The following BRCA1 variants were observed in gnomAD, a reference collection of about 807,000 sequenced individuals.
BRCA1 encodes BRCA1 DNA repair associated, also known as breast cancer type 1 susceptibility protein.
A neutral mutation model predicts 173.7 loss-of-function variants in BRCA1; 140 were observed. The ratio of observed to expected loss-of-function variants is 0.81; its 90% CI spans 0.70 to 0.93. BRCA1 has a LOEUF of 0.93. BRCA1 is among the 40% of genes least tolerant of loss of function. The probability of loss-of-function intolerance (pLI) is 0.00; values close to 1 mark genes in which losing one functional copy is unlikely to be tolerated. For missense variants in BRCA1, 1,983 were observed against 2,172.5 expected (o/e 0.91, Z 1.73); for synonymous variants, 662 against 756.0 (o/e 0.88, Z 2.04).
At chr17:43,073,520 TGAG>T (rs2052547465) in intron 14 of BRCA1, among the ~76,000 whole-genome samples, 1 of 152,136 alleles carries the variant, frequency 6.6e-6, no homozygotes, top group African/African-American at 2.4e-5. Flanking sequence ...AACGTGTTTT[TGAG>T]GATTAAAAAC....
Position 43,044,551 on chromosome 17 carries a change from C to T in BRCA1, c.*1127G>A, listed in dbSNP as rs1265300106. 2.0e-6 allele frequency: 1 copy of T among 506,026 alleles called. No individual in the cohort carries two copies. Among genetic ancestry groups the T allele is most frequent in the Admixed American group, 2.3e-5 (1 of 44,030 alleles). 31.3% of individuals were successfully genotyped at this position (506,026 alleles called of 1,614,324 possible). A position where few individuals can be genotyped will look rare whatever the true frequency, so the allele number is the denominator to read the frequency against. On this transcript the variant is annotated 3_prime_UTR_variant, in exon 23 of 23. Transcript: ENST00000357654. Reference sequence around the variant, plus strand: ...AGGAAAAAAATCACCTCAAAGAAAGCAACAGCTTCCTTCCTGGTGGGATCT... The same window carrying T: ...AGGAAAAAAATCACCTCAAAGAAAGTAACAGCTTCCTTCCTGGTGGGATCT...
At chr17:43,055,369 C>T (rs780261463) in intron 19 of BRCA1, among the ~76,000 whole-genome samples, 7 of 152,114 alleles carry the variant, frequency 4.6e-5, no homozygotes, top group Admixed American at 2.0e-4. Context: ...AATTGGAGGC[C>T]GGGTGCAGTG....
chr17:43,093,434 C>G lies in BRCA1; in HGVS notation c.2097G>C (p.Glu699Asp). The G allele has an allele frequency of 6.2e-7, 1 of 1,614,010 alleles. No individual in the cohort carries two copies. The highest frequency in any genetic ancestry group is 1.3e-5 in the African/African-American group (1 of 75,036). The change falls in exon 10 of 23, where the codon GAG becomes GAC. Residue 699 changes from glutamate to aspartate, a missense_variant. Glu to Asp is a conservative substitution (Grantham distance 45, BLOSUM62 2). Transcript: ENST00000357654. Reference sequence around the variant, plus strand: ...AACCAGGTGCATTTGTTAACTTCAGCTCTGGGAAAGTATCGCTGTCATGTC... The same window carrying G: ...AACCAGGTGCATTTGTTAACTTCAGGTCTGGGAAAGTATCGCTGTCATGTC... ...SKRHDSDTFP[E>D]LKLTNAPGSF...
intron 3 of BRCA1, among the ~76,000 whole-genome samples, chr17:43,107,022 T>A (rs1367133066): frequency 6.6e-6 from 1 of 151,904 alleles, no homozygotes; most frequent in Non-Finnish European, 1.5e-5. Context: ...TACATACATC[T>A]GTGATCAAGC....
rs80358164 is a variant in BRCA1 at position 43,097,301 on chromosome 17, C to T, written c.548-12G>A. ...AGAAGAATCAGATCCTAAAAAATTT[C>T]CCCCCAAAAAATAAATCAATAAAAG... On this transcript the variant is annotated splice_polypyrimidine_tract_variant and intron_variant, in intron 7 of 22. Transcript: ENST00000357654. The T allele has an allele frequency of 6.2e-7, 1 of 1,609,804 alleles. No individual in the cohort carries two copies. Among genetic ancestry groups the T allele is most frequent in the Non-Finnish European group, 8.5e-7 (1 of 1,176,682 alleles).
chr17:43,089,554 T>C, intron 11 of BRCA1, among the ~76,000 whole-genome samples: 1 of 151,736 alleles, frequency 6.6e-6, no homozygotes, highest in Non-Finnish European at 1.5e-5. Context: ...ACTTTCTTTT[T>C]TTTTTTTTTT....
intron 20 of BRCA1, 84 bp downstream of exon 20, chr17:43,050,979 C>A: frequency 7.4e-7 from 1 of 1,344,594 alleles, no homozygotes; most frequent in East Asian, 2.3e-5. Context: ...CTGAGGAACC[C>A]CCATCGTGGG....
At chr17:43,147,661 A>G (rs2056132281) in intron 1 of BRCA1, among the ~76,000 whole-genome samples, 1 of 152,256 alleles carries the variant, frequency 6.6e-6, no homozygotes, top group South Asian at 2.1e-4. Flanking sequence ...TGGGGGCCCA[A>G]AAACCAGTAA....
intron 2 of BRCA1, among the ~76,000 whole-genome samples, chr17:43,117,210 G>A (rs550582771): frequency 2.0e-5 from 3 of 152,328 alleles, no homozygotes; most frequent in African/African-American, 7.2e-5. Context: ...GGGAGGCTGA[G>A]GTGGGTGGAT....
At chr17:43,057,463 A>G (rs2051551109) in intron 18 of BRCA1, among the ~76,000 whole-genome samples, 1 of 151,442 alleles carries the variant, frequency 6.6e-6, no homozygotes, top group Non-Finnish European at 1.5e-5. Flanking sequence ...GTGAGCTGAG[A>G]TGGTGCCACT....
At chr17:43,135,128 T>C (rs1554063) in intron 1 of BRCA1, among the ~76,000 whole-genome samples, 68,774 of 152,164 alleles carry the variant, frequency 0.45, 17,316 homozygotes, top group African/African-American at 0.69. Context: ...GAGAGCCTGC[T>C]AGTTCCTAAC....
At chr17:43,103,466 CAA>C (rs900598227) in intron 6 of BRCA1, among the ~76,000 whole-genome samples, 42 of 64,582 alleles carry the variant, frequency 6.5e-4, no homozygotes, top group Admixed American at 1.1e-3. Context: ...GACTCTGTCT[CAA>C]AAAAAAAAAA....
chr17:43,070,880 A>C (rs776015621), intron 15 of BRCA1, 48 bp downstream of exon 15: 1 of 1,599,168 alleles, frequency 6.3e-7, no homozygotes, highest in East Asian at 2.2e-5. Flanking sequence ...TCTTTCCAGA[A>C]TGTTGTTAAG....
intron 14 of BRCA1, among the ~76,000 whole-genome samples, chr17:43,073,221 G>A (rs187106682): frequency 9.2e-4 from 140 of 152,012 alleles, no homozygotes; most frequent in Admixed American, 2.0e-3. Context: ...TGGGGGCAAT[G>A]AGCTTATAGC....
intron 12 of BRCA1, chr17:43,079,283 C>G (rs1342573911): frequency 1.2e-5 from 17 of 1,424,574 alleles, no homozygotes; most frequent in Non-Finnish European, 1.6e-5. Flanking sequence ...GAACCACCAT[C>G]TTTCAGTAAT....
upstream of BRCA1, among the ~76,000 whole-genome samples, chr17:43,129,330 A>G (rs534821539): frequency 6.6e-6 from 1 of 152,378 alleles, no homozygotes; most frequent in Admixed American, 6.5e-5. Flanking sequence ...CAGCTAAGCT[A>G]GAATCTCCCA....
intron 22 of BRCA1, among the ~76,000 whole-genome samples, chr17:43,046,817 GGA>G (rs1199790221): frequency 6.6e-6 from 1 of 150,896 alleles, no homozygotes; most frequent in Non-Finnish European, 1.5e-5. Context: ...AGAGGCCCTA[GGA>G]GTGACTCCTG....
rs1131692097 is a variant in BRCA1 at position 43,094,358 on chromosome 17, T to C, written c.1173A>G (p.Glu391=). The change falls in exon 10 of 23, where the codon GAA becomes GAG. Residue 391 remains glutamate (E), a synonymous_variant. Transcript: ENST00000357654. The part of the protein sequence containing the change: ...KVNEWFSRSD[E]LLGSDDSHDG... ...CATGTGAGTCATCAGAACCTAACAG[T>C]TCATCACTTCTGGAAAACCACTCAT... The C allele has an allele frequency of 4.3e-6, 7 of 1,614,168 alleles. No individual in the cohort carries two copies. Among genetic ancestry groups the C allele is most frequent in the Non-Finnish European group, 5.9e-6 (7 of 1,180,020 alleles).
At position 43,047,645 on chromosome 17, in the gene BRCA1, T is replaced by C. The variant is rs2050976068; in HGVS notation, c.5465A>G (p.His1822Arg). Reference protein sequence around the residue: ...PDAWTEDNGFHAIGQMCEAPV... With the variant: ...PDAWTEDNGFRAIGQMCEAPV... ...ACAGGTACATGCAGGCACCTTACCA[T>C]GGAAGCCATTGTCCTCTGTCCAGGC... is the stretch of plus-strand genomic sequence containing the variant. The change falls in exon 22 of 23, where the codon CAT becomes CGT. Residue 1822 changes from histidine (H) to arginine (R), a missense_variant and splice_region_variant. Transcript: ENST00000357654. The C allele has an allele frequency of 1.9e-6, 3 of 1,614,192 alleles. No homozygotes were observed. The highest frequency in any genetic ancestry group is 2.5e-6 in the Non-Finnish European group (3 of 1,180,028).
Sources: gnomAD v4.1 joint callset for allele counts (sites outside exome capture counted in the v4.1 genomes callset) on GRCh38, gnomAD v4.1.1 for gene constraint, MANE v1.5 for transcripts, NCBI Gene and HGNC (gene_info 2026-07-23, HGNC 2026-07-21) for gene names.